The following LHFPL3 variants were observed in gnomAD, a reference collection of about 807,000 sequenced individuals.
LHFPL3 encodes the protein LHFPL tetraspan subfamily member 3.
LHFPL3 carries 5 observed loss-of-function variants against 19.3 expected under a neutral mutation model. The observed-to-expected ratio is 0.26, with a 90% CI of 0.14 to 0.54. The LOEUF is 0.54. Ranked by LOEUF, LHFPL3 falls within the 20% of genes least tolerant of loss-of-function variation. The pLI, the probability that LHFPL3 is intolerant of heterozygous loss-of-function variation, is 0.94. For missense variants in LHFPL3, 249 were observed against 307.4 expected (o/e 0.81, Z 1.42); for synonymous variants, 133 against 126.2 (o/e 1.05, Z -0.36).
At chr7:104,401,369 T>A (rs1426181698) in intron 1 of LHFPL3, among the ~76,000 whole-genome samples, 2 of 152,194 alleles carry the variant, frequency 1.3e-5, no homozygotes, top group African/African-American at 4.8e-5. Context: ...AATCAACAGA[T>A]GAAATTTTTA....
chr7:104,345,187 TG>T (rs772511135), intron 1 of LHFPL3, among the ~76,000 whole-genome samples: 71 of 152,220 alleles, frequency 4.7e-4, no homozygotes, highest in Non-Finnish European at 9.4e-4. Context: ...TTTTCAAATG[TG>T]TTGGCATAAA....
intron 1 of LHFPL3, among the ~76,000 whole-genome samples, chr7:104,687,001 C>A (rs186980908): frequency 6.6e-6 from 1 of 152,290 alleles, no homozygotes; most frequent in Non-Finnish European, 1.5e-5. Flanking sequence ...ATAATCTAAT[C>A]ACCTCCTACA....
At chr7:104,824,594 T>G (rs1790775680) in intron 2 of LHFPL3, among the ~76,000 whole-genome samples, 2 of 77,742 alleles carry the variant, frequency 2.6e-5, no homozygotes, top group Non-Finnish European at 4.5e-5. Context: ...TATATATAAT[T>G]ATATATTATA....
chr7:104,565,757 A>G (rs1790109182), intron 1 of LHFPL3, among the ~76,000 whole-genome samples: 1 of 146,564 alleles, frequency 6.8e-6, no homozygotes, highest in Non-Finnish European at 1.5e-5. Context: ...CTATCTATCT[A>G]TCTATCTATC....
intron 1 of LHFPL3, among the ~76,000 whole-genome samples, chr7:104,441,776 A>G (rs899685790): frequency 3.9e-5 from 6 of 152,188 alleles, no homozygotes; most frequent in African/African-American, 9.6e-5. Flanking sequence ...GGGTTTTACT[A>G]TGTTGGCCAG....
At chr7:104,766,213 G>A (rs1331469614) in intron 2 of LHFPL3, among the ~76,000 whole-genome samples, 1 of 152,196 alleles carries the variant, frequency 6.6e-6, no homozygotes, top group Non-Finnish European at 1.5e-5. Flanking sequence ...TGATATGGGA[G>A]ATTATCTAGA....
chr7:104,474,403 G>A (rs866384212), intron 1 of LHFPL3, among the ~76,000 whole-genome samples: 3 of 151,874 alleles, frequency 2.0e-5, no homozygotes, highest in African/African-American at 7.3e-5. Context: ...GGTGTCTCAC[G>A]CCTGTAATCC....
At chr7:104,622,555 T>A (rs1297536894) in intron 1 of LHFPL3, among the ~76,000 whole-genome samples, 2 of 152,344 alleles carry the variant, frequency 1.3e-5, no homozygotes, top group East Asian at 3.9e-4. Context: ...TAGAACATTT[T>A]AATCTCCATC....
At chr7:104,533,858 G>T (rs1794347977) in intron 1 of LHFPL3, among the ~76,000 whole-genome samples, 1 of 152,070 alleles carries the variant, frequency 6.6e-6, no homozygotes, top group Non-Finnish European at 1.5e-5. Context: ...TCTCTCTGAT[G>T]ATATTGTCCT....
At chr7:104,582,365 T>A (rs1327230923) in intron 1 of LHFPL3, among the ~76,000 whole-genome samples, 1 of 152,004 alleles carries the variant, frequency 6.6e-6, no homozygotes, top group Non-Finnish European at 1.5e-5. Context: ...TAATTGTATT[T>A]AGAATTCTTC....
intron 1 of LHFPL3, among the ~76,000 whole-genome samples, chr7:104,581,391 G>T (rs1011895941): frequency 6.6e-6 from 1 of 152,036 alleles, no homozygotes; most frequent in East Asian, 1.9e-4. Flanking sequence ...GTTTTTACAT[G>T]TTCTGGGTAC....
chr7:104,609,994 A>C (rs1311610873), intron 1 of LHFPL3, among the ~76,000 whole-genome samples: 1 of 152,186 alleles, frequency 6.6e-6, no homozygotes, highest in Admixed American at 6.5e-5. Flanking sequence ...TACCACTAAG[A>C]TTAAACAGAC....
rs117013745 is a variant in LHFPL3, at chr7:104,795,161, C to T, written c.682+58250C>T. 1.7e-4 allele frequency among the ~76,000 whole-genome samples: 26 copies of T among 152,266 alleles called. No individual in the cohort carries two copies. In the East Asian group the frequency reaches 4.2e-3, roughly 25 times the overall value. On this transcript the variant is annotated intron_variant, in intron 2 of 2. Transcript: ENST00000424859. ...CCAGACATGCTCTCTGATGGCCATT[C>T]GTCTTCTGAATCCCAAGAATAATCC...
intron 2 of LHFPL3, among the ~76,000 whole-genome samples, chr7:104,771,992 G>A (rs548278313): frequency 5.8e-4 from 88 of 151,452 alleles, no homozygotes; most frequent in Non-Finnish European, 1.2e-3. Context: ...AGCTAAATTT[G>A]TATTTTTAGT....
At chr7:104,586,232 G>A (rs1790573486) in intron 1 of LHFPL3, among the ~76,000 whole-genome samples, 1 of 152,058 alleles carries the variant, frequency 6.6e-6, no homozygotes, top group Admixed American at 6.6e-5. Context: ...TAGTTCTAAT[G>A]GAGTAAGAGA....
chr7:104,654,725 G>A (rs867884970), intron 1 of LHFPL3, among the ~76,000 whole-genome samples: 1 of 152,008 alleles, frequency 6.6e-6, no homozygotes, highest in Admixed American at 6.6e-5. Context: ...CCCATGTTTT[G>A]GATATTTACC....
chr7:104,695,282 A>T (rs900031951), intron 1 of LHFPL3, among the ~76,000 whole-genome samples: 1 of 152,184 alleles, frequency 6.6e-6, no homozygotes, highest in Admixed American at 6.5e-5. Context: ...TCCAGTTTTT[A>T]CTCAAATGAG....
intron 2 of LHFPL3, among the ~76,000 whole-genome samples, chr7:104,739,325 G>A (rs60328264): frequency 0.02 from 3,038 of 152,210 alleles, 55 homozygotes; most frequent in East Asian, 0.054. Flanking sequence ...GATTGTTTGC[G>A]GAAAGACCAA....
intron 1 of LHFPL3, among the ~76,000 whole-genome samples, chr7:104,557,656 T>C (rs963534219): frequency 3.9e-4 from 60 of 152,206 alleles, no homozygotes; most frequent in African/African-American, 1.4e-3. Context: ...ATCTGTTTTT[T>C]ATTTTTTATT....
Sources: gnomAD v4.1 joint callset for allele counts (sites outside exome capture counted in the v4.1 genomes callset) on GRCh38, gnomAD v4.1.1 for gene constraint, MANE v1.5 for transcripts, NCBI Gene and HGNC (gene_info 2026-07-23, HGNC 2026-07-21) for gene names.